MBL2: variants seen among roughly 807,000 people sequenced by gnomAD.
The protein encoded by MBL2 is mannose binding lectin 2, also known as mannose-binding protein C.
MBL2 carries 6 observed loss-of-function variants against 12.7 expected under a neutral mutation model. That is an observed-to-expected ratio of 0.47 (90% confidence interval 0.26 to 0.94). The LOEUF is 0.94. Among genes scored for constraint, MBL2 ranks in the 40% least tolerant of loss-of-function variants. The probability of loss-of-function intolerance (pLI) is 0.15; values close to 1 mark genes in which losing one functional copy is unlikely to be tolerated. For synonymous variants in MBL2, 114 were observed against 112.0 expected, an observed-to-expected ratio of 1.02 and a Z score of -0.11; for missense variants, 307 against 295.2, an observed-to-expected ratio of 1.04 and a Z score of -0.29.
chr10:52,770,653 C>T lies in MBL2; in HGVS notation c.304+17G>A, dbSNP rs199732931. 1.4e-5 allele frequency: 20 copies of T among 1,408,462 alleles called. No individual in the cohort carries two copies. The highest frequency in any genetic ancestry group is 2.5e-5 in the Admixed American group (1 of 40,784). 87.2% of individuals were successfully genotyped at this position (1,408,462 alleles called of 1,614,324 possible). ...AACCCTGGGTGAAGTCAGCTCAGAC[C>T]TTGCTGGGGTCCTTACCCGGACTTT... On this transcript the variant is annotated intron_variant, in intron 3 of 4. Transcript: ENST00000674931.
intron 1 of MBL2, 25 bp downstream of exon 1, chr10:52,772,712 G>T: frequency 1.0e-6 from 1 of 985,160 alleles, no homozygotes; most frequent in Non-Finnish European, 1.2e-6. Flanking sequence ...CGGAAACCCA[G>T]ATTTATTCAC....
In MBL2 at chr10:52,769,325, TA is replaced by T. The variant is rs1375317215; in HGVS notation, c.305-11del. ...AGGCTACTATCACCATCTAGAAAAT[TA>T]GAACAAAGTAAAGAAGCATTGTTGA... On this transcript the variant is annotated splice_polypyrimidine_tract_variant and intron_variant, in intron 3 of 4. Transcript: ENST00000674931. 1 of 1,589,824 alleles carries T rather than the reference TA, an allele frequency of 6.3e-7. No homozygotes were observed. Among genetic ancestry groups the T allele is most frequent in the African/African-American group, 1.4e-5 (1 of 73,694 alleles).
chr10:52,768,277 G>T lies in MBL2; in HGVS notation c.607C>A (p.Leu203Met). ...CCCTCGTTCCAGTTTGTGTAGGTCA[G>T]TCTATTTCCTGTCAGATCCACAAAC... ...GQFVDLTGNR[L>M]TYTNWNEGEP... The change falls in exon 5 of 5, where the codon CTG becomes ATG. Residue 203 changes from leucine to methionine, a missense_variant. By Grantham distance (15) the Leu-to-Met change is conservative (BLOSUM62 2). Coordinates refer to ENST00000674931, the MANE Select transcript of MBL2 (RefSeq NM_001378373.1). 6.2e-7 allele frequency: 1 copy of T among 1,613,730 alleles called. No homozygotes were observed. Among genetic ancestry groups the T allele is most frequent in the South Asian group, 1.1e-5 (1 of 91,078 alleles).
In MBL2 at chr10:52,772,299, C is replaced by T. The variant is rs536380333; in HGVS notation, c.-10+438G>A. Among the ~76,000 whole-genome samples the T allele has an allele frequency of 6.8e-4, 103 of 152,270 alleles. No individual in the cohort carries two copies. The Middle Eastern group carries it at 0.01, about 15-fold the overall frequency. On this transcript the variant is annotated intron_variant, in intron 1 of 4. Coordinates refer to ENST00000674931, the MANE Select transcript of MBL2 (RefSeq NM_001378373.1). ...CATTTTCTCTGGAAATTTCTTACTA[C>T]GTTGGCCCTGGCAGAGTGCTAAATA...
At chr10:52,769,395 T>G (rs1840357035) in intron 3 of MBL2, 80 bp from the exon 4 acceptor site, 1 of 711,490 alleles carries the variant, frequency 1.4e-6, no homozygotes, top group African/African-American at 1.9e-5. Context: ...GTGGAGTATC[T>G]TTTTCAAACT....
chr10:52,772,009 G>T (rs1472581062), intron 1 of MBL2, among the ~76,000 whole-genome samples: 1 of 143,952 alleles, frequency 6.9e-6, no homozygotes, highest in African/African-American at 2.8e-5. Context: ...TGGAAACCCA[G>T]GTGTCTGTAG....
chr10:52,768,786 G>C (rs1259461631), intron 4 of MBL2, among the ~76,000 whole-genome samples: 1 of 151,968 alleles, frequency 6.6e-6, no homozygotes, highest in Non-Finnish European at 1.5e-5. Flanking sequence ...CAGACAGACT[G>C]GTACAAAGGC....
chr10:52,771,379 C>A lies in MBL2; in HGVS notation c.187+70G>T, dbSNP rs1357288258. 5 of 1,524,686 alleles carry A rather than the reference C, an allele frequency of 3.3e-6. No individual in the cohort carries two copies. The African/African-American group carries it at 6.9e-5, about 21-fold the overall frequency. 94.4% of individuals were successfully genotyped at this position (1,524,686 alleles called of 1,614,324 possible). On this transcript the variant is annotated intron_variant, in intron 2 of 4. Coordinates refer to ENST00000674931, the MANE Select transcript of MBL2 (RefSeq NM_001378373.1). ...AAATATACTCAAATAGGACATCAGT[C>A]TCCTCATATCCCCAGGCAGTTTCCT... is the stretch of plus-strand genomic sequence containing the variant.
chr10:52,768,921 C>T (rs989085687), intron 4 of MBL2, among the ~76,000 whole-genome samples: 46 of 152,130 alleles, frequency 3.0e-4, no homozygotes, highest in Non-Finnish European at 5.1e-4. Flanking sequence ...TTAGACCCCA[C>T]GGCCAGGTCT....
chr10:52,771,692 ATATTTACC>A, intron 1 of MBL2, 48 bp from the exon 2 acceptor site: 1 of 1,558,996 alleles, frequency 6.4e-7, no homozygotes, highest in Middle Eastern at 1.7e-4. Context: ...TAATGAACAC[ATATTTACC>A]GAGCATGCCC....
chr10:52,770,022 T>A (rs887348937), intron 3 of MBL2, among the ~76,000 whole-genome samples: 45 of 152,318 alleles, frequency 3.0e-4, no homozygotes, highest in East Asian at 5.8e-4. Flanking sequence ...CTAAAGCCTA[T>A]CTTATTTCTA....
intron 4 of MBL2, among the ~76,000 whole-genome samples, chr10:52,769,030 T>C (rs1304742067): frequency 6.6e-6 from 1 of 151,980 alleles, no homozygotes; most frequent in African/African-American, 2.4e-5. Context: ...CTTCCATCTA[T>C]AAACCACCCC....
chr10:52,771,452 G>T lies in MBL2; in HGVS notation c.184C>A (p.Pro62Thr). 1 of 1,613,658 alleles carries T rather than the reference G, an allele frequency of 6.2e-7. No homozygotes were observed. The highest frequency in any genetic ancestry group is 8.5e-7 in the Non-Finnish European group (1 of 1,179,814). The change falls in exon 2 of 5, where the codon CCA (proline) becomes ACA (threonine). Residue 62 changes from proline (P) to threonine (T), a missense_variant. By Grantham distance (38) the Pro-to-Thr change is conservative. Coordinates refer to ENST00000674931, the MANE Select transcript of MBL2 (RefSeq NM_001378373.1). ...GACAGAACAGCCCAACACGTACCTGGTTCCCCCTTTTCTCCCTTGGTGCCA... is the reference window on the plus strand; with the variant it reads ...GACAGAACAGCCCAACACGTACCTGTTTCCCCCTTTTCTCCCTTGGTGCCA... The part of the protein sequence containing the change: ...RDGTKGEKGE[P>T]GQGLRGLQGP...
At chr10:52,769,164 A>G (rs1014734550) in intron 4 of MBL2, 83 bp downstream of exon 4, 4 of 896,540 alleles carry the variant, frequency 4.5e-6, no homozygotes, top group Non-Finnish European at 7.1e-6. Context: ...GGGTACAGAA[A>G]ATTATATGCA....
In MBL2 at chr10:52,771,429, C is replaced by G. The variant is rs1290423889; in HGVS notation, c.187+20G>C. On this transcript the variant is annotated intron_variant, in intron 2 of 4. Transcript: ENST00000674931. The stretch of plus-strand genomic sequence containing the variant: ...TCTGGAAGGTAAAGAATTGCAGAGA[C>G]AGAACAGCCCAACACGTACCTGGTT... 1 of 1,610,740 alleles carries G rather than the reference C, an allele frequency of 6.2e-7. No individual in the cohort carries two copies. The highest frequency in any genetic ancestry group is 1.7e-5 in the Admixed American group (1 of 59,922).
In MBL2 at chr10:52,768,160, C is replaced by T. The variant is rs776551094; in HGVS notation, c.724G>A (p.Ala242Thr). Reference sequence around the variant, plus strand: ...CTTCAGATAGGGAACTCACAGACGGCCAGATGGGAGGTGGAGCAGGGGACG... The same window carrying T: ...CTTCAGATAGGGAACTCACAGACGGTCAGATGGGAGGTGGAGCAGGGGACG... The part of the protein sequence containing the change: ...NDVPCSTSHL[A>T]VCEFPI The change falls in exon 5 of 5, where the codon GCC (alanine) becomes ACC (threonine). Residue 242 changes from alanine (A) to threonine (T), a missense_variant. Transcript: ENST00000674931. 1 of 1,607,148 alleles carries T rather than the reference C, an allele frequency of 6.2e-7. No homozygotes were observed. Among genetic ancestry groups the T allele is most frequent in the Admixed American group, 1.7e-5 (1 of 59,624 alleles).
Position 52,766,575 on chromosome 10 carries a change from A to G in MBL2, c.*1562T>C, listed in dbSNP as rs1290823914. On this transcript the variant is annotated 3_prime_UTR_variant, in exon 5 of 5. Transcript: ENST00000674931. ...TCATGAAAAATCTCTTCATGGTTTC[A>G]AAATCATGAAAAATATCTTATGATT... 1.3e-5 allele frequency: 2 copies of G among 152,146 alleles called. No homozygotes were observed. Among genetic ancestry groups the G allele is most frequent in the African/African-American group, 4.8e-5 (2 of 41,444 alleles). 9.4% of individuals were successfully genotyped at this position (152,146 alleles called of 1,614,324 possible). A position where few individuals can be genotyped will look rare whatever the true frequency, so the allele number is the denominator to read the frequency against.
chr10:52,768,328 T>G lies in MBL2; in HGVS notation c.556A>C (p.Ile186Leu), dbSNP rs1318031019. ...NLIKEEAFLG[I>L]TDEKTEGQFV... ...TGCCCTTCTGTCTTCTCATCAGTGA[T>G]GCCCAGGAAGGCTTCCTCCTTGATG... is the stretch of plus-strand genomic sequence containing the variant. The change falls in exon 5 of 5, where the codon ATC (isoleucine) becomes CTC (leucine). Residue 186 changes from isoleucine to leucine, a missense_variant. By Grantham distance (5) the Ile-to-Leu change is conservative. Transcript: ENST00000674931. The G allele has an allele frequency of 1.1e-5, 17 of 1,613,738 alleles. No homozygotes were observed. Among genetic ancestry groups the G allele is most frequent in the Non-Finnish European group, 2.5e-6 (3 of 1,179,972 alleles).
intron 1 of MBL2, 185 bp from the exon 2 acceptor site, chr10:52,771,829 A>T (rs944864948): frequency 6.4e-6 from 5 of 785,462 alleles, no homozygotes; most frequent in Admixed American, 5.9e-5. Context: ...ACTTTAACAA[A>T]GGTAGGCACT....
Sources: gnomAD v4.1 joint callset for allele counts (sites outside exome capture counted in the v4.1 genomes callset) on GRCh38, gnomAD v4.1.1 for gene constraint, MANE v1.5 for transcripts, NCBI Gene and HGNC (gene_info 2026-07-23, HGNC 2026-07-21) for gene names.